ADGRL2: variants seen among roughly 807,000 people sequenced by gnomAD.
The protein encoded by ADGRL2 is calcium-independent alpha-latrotoxin receptor 2.
A neutral mutation model predicts 157.4 loss-of-function variants in ADGRL2; 44 were observed. That is an observed-to-expected ratio of 0.28 (90% CI 0.22 to 0.36). The LOEUF (loss-of-function observed/expected upper bound fraction) is 0.36. Among genes scored for constraint, ADGRL2 ranks in the 10% least tolerant of loss-of-function variants. ADGRL2 has a pLI of 1.00. For synonymous variants in ADGRL2, 585 were observed against 624.7 expected, an observed-to-expected ratio of 0.94 and a Z score of 0.95; for missense variants, 1,510 against 1,768.9, an observed-to-expected ratio of 0.85 and a Z score of 2.63.
chr1:81,525,932 G>C (rs1475910143), intron 2 of ADGRL2, among the ~76,000 whole-genome samples: 1 of 152,146 alleles, frequency 6.6e-6, no homozygotes, highest in Non-Finnish European at 1.5e-5. Context: ...TGCACAATAA[G>C]GAAAGATAAG....
At chr1:81,493,655 G>A (rs2078677473) in intron 2 of ADGRL2, among the ~76,000 whole-genome samples, 2 of 152,066 alleles carry the variant, frequency 1.3e-5, no homozygotes, top group South Asian at 4.1e-4. Flanking sequence ...TTAAGTCTTG[G>A]CTTTGTCACT....
intron 1 of ADGRL2, among the ~76,000 whole-genome samples, chr1:81,390,795 G>A (rs968644016): frequency 3.3e-5 from 5 of 152,306 alleles, no homozygotes; most frequent in Non-Finnish European, 4.4e-5. Flanking sequence ...TTATATGAAT[G>A]CAACAAAATT....
intron 1 of ADGRL2, among the ~76,000 whole-genome samples, chr1:81,825,788 T>A (rs2091428825): frequency 6.6e-6 from 1 of 151,922 alleles, no homozygotes; most frequent in Non-Finnish European, 1.5e-5. Context: ...GAACCCCAAC[T>A]GTGTTCTTCC....
chr1:81,854,833 G>T (rs2093146675), intron 2 of ADGRL2, among the ~76,000 whole-genome samples: 1 of 152,118 alleles, frequency 6.6e-6, no homozygotes, highest in Admixed American at 6.6e-5. Flanking sequence ...AAGAAATGGG[G>T]TGAATTGCAA....
intron 2 of ADGRL2, among the ~76,000 whole-genome samples, chr1:81,516,516 A>C (rs926742549): frequency 1.3e-5 from 2 of 152,200 alleles, no homozygotes; most frequent in African/African-American, 4.8e-5. Context: ...TAAGAGCCCC[A>C]CATGTTTTCC....
In ADGRL2 at chr1:81,955,984, A is replaced by G. The variant is rs543096656; in HGVS notation, c.1941A>G (p.Thr647=). Residue 647 remains threonine, a synonymous_variant, in exon 11 of 24, where the codon ACA becomes ACG. Coordinates refer to ENST00000686636, the MANE Select transcript of ADGRL2 (RefSeq NM_001366006.2). The part of the protein sequence containing the change: ...QAHTATMLLD[T]LEEGAFVLAD... ...ATACTGCAACAATGTTACTCGATACATTGGAAGAAGGAGCTTTTGTCCTAG... is the reference window on the plus strand; with the variant it reads ...ATACTGCAACAATGTTACTCGATACGTTGGAAGAAGGAGCTTTTGTCCTAG... 8 of 1,611,592 alleles carry G rather than the reference A, an allele frequency of 5.0e-6. No homozygotes were observed. Among genetic ancestry groups the G allele is most frequent in the Non-Finnish European group, 5.9e-6 (7 of 1,178,916 alleles).
intron 3 of ADGRL2, among the ~76,000 whole-genome samples, chr1:81,669,765 AC>A (rs1331229931): frequency 1.3e-5 from 2 of 151,852 alleles, no homozygotes; most frequent in Non-Finnish European, 2.9e-5. Flanking sequence ...ACACGGTGAA[AC>A]CCTGTCTCTA....
At position 81,694,110 on chromosome 1, in the gene ADGRL2, CATTA is replaced by C. The variant is rs144213846; in HGVS notation, c.-142-67699_-142-67696del. Among the ~76,000 whole-genome samples the C allele has an allele frequency of 1.0e-2, 1,517 of 152,268 alleles. 29 individuals are homozygous for C. Among genetic ancestry groups the C allele is most frequent in the African/African-American group, 0.035 (1,448 of 41,550 alleles). ...TATTTTGTACTCACTTTGAAGATGA[CATTA>C]AACACTTTAGCATTAAAAATAAATT... is the stretch of plus-strand genomic sequence containing the variant. On this transcript the variant is annotated intron_variant, in intron 3 of 24. Coordinates refer to the ADGRL2 transcript ENST00000370721.
chr1:81,413,359 A>G (rs2076980606), intron 1 of ADGRL2, among the ~76,000 whole-genome samples: 1 of 152,142 alleles, frequency 6.6e-6, no homozygotes, highest in Non-Finnish European at 1.5e-5. Flanking sequence ...CACTCCAAGT[A>G]TTGTGTTGTA....
At chr1:81,952,822 G>A (rs1258957476) in intron 9 of ADGRL2, among the ~76,000 whole-genome samples, 165 bp from the exon 10 acceptor site, 2 of 151,984 alleles carry the variant, frequency 1.3e-5, no homozygotes, top group African/African-American at 4.8e-5. Flanking sequence ...ATAAAAAACT[G>A]TAAATAAGCA....
intron 1 of ADGRL2, among the ~76,000 whole-genome samples, chr1:81,748,236 T>G (rs527397679): frequency 2.2e-4 from 33 of 151,914 alleles, no homozygotes; most frequent in Non-Finnish European, 4.3e-4. Context: ...CCCAGCATTT[T>G]AGGAGGCCAA....
At chr1:81,653,871 A>G (rs1246452276) in intron 3 of ADGRL2, among the ~76,000 whole-genome samples, 1 of 152,068 alleles carries the variant, frequency 6.6e-6, no homozygotes, top group East Asian at 1.9e-4. Flanking sequence ...CATCATCTCA[A>G]ACTCTACCTG....
At chr1:81,799,743 C>G (rs2087789168), upstream of ADGRL2, among the ~76,000 whole-genome samples, 1 of 151,892 alleles carries the variant, frequency 6.6e-6, no homozygotes, top group Non-Finnish European at 1.5e-5. Context: ...ATCCTACTTT[C>G]TAGGTTTTAA....
chr1:81,344,398 C>T (rs1156748209), intron 1 of ADGRL2, among the ~76,000 whole-genome samples: 3 of 151,954 alleles, frequency 2.0e-5, no homozygotes, highest in Non-Finnish European at 2.9e-5. Flanking sequence ...GATTATAGGC[C>T]GGGCACAGAG....
chr1:81,674,589 T>C (rs953676713), intron 3 of ADGRL2, among the ~76,000 whole-genome samples: 1 of 152,178 alleles, frequency 6.6e-6, no homozygotes, highest in African/African-American at 2.4e-5. Flanking sequence ...CCCTCAAAGT[T>C]TGAGAGAAAA....
chr1:81,654,599 G>A (rs7536377), intron 3 of ADGRL2, among the ~76,000 whole-genome samples: 119,991 of 152,164 alleles, frequency 0.79, 47,669 homozygotes, highest in African/African-American at 0.87. Flanking sequence ...ACTGCTCCTA[G>A]GTATTCAAGA....
intron 3 of ADGRL2, among the ~76,000 whole-genome samples, chr1:81,594,232 G>A (rs895294588): frequency 6.6e-6 from 1 of 152,078 alleles, no homozygotes; most frequent in African/African-American, 2.4e-5. Context: ...CAAGCAAATA[G>A]GAATCAAGCA....
rs1463712648 is a variant in ADGRL2, at chr1:81,893,312, TCC to T, written c.74-13704_74-13703del. 4.8e-4 allele frequency among the ~76,000 whole-genome samples: 55 copies of T among 115,730 alleles called. 1 individual carries two copies. The highest frequency in any genetic ancestry group is 5.6e-3 in the Middle Eastern group (1 of 178). The allele number at this position is 115,730 out of a possible 152,430, so 75.9% of individuals were successfully genotyped here. On this transcript the variant is annotated intron_variant, in intron 2 of 23. Coordinates refer to ENST00000686636, the MANE Select transcript of ADGRL2 (RefSeq NM_001366006.2). Reference sequence around the variant, plus strand: ...TTTGCTTGTTTTTGTGACTTATCAATCCTGTCTTGTATTTTTCTTTTTTTCTT... The same window carrying T: ...TTTGCTTGTTTTTGTGACTTATCAATTGTCTTGTATTTTTCTTTTTTTCTT...
chr1:81,386,354 T>C lies in ADGRL2; in HGVS notation c.-301-58682T>C, dbSNP rs1317684008. Among the ~76,000 whole-genome samples, 5 of 152,146 alleles carry C rather than the reference T, an allele frequency of 3.3e-5. 1 individual carries two copies. The highest frequency in any genetic ancestry group is 1.2e-4 in the African/African-American group (5 of 41,448). On this transcript the variant is annotated intron_variant, in intron 1 of 24. Transcript: ENST00000370721. ...GGTGTGTGGTAAGGTAACAATTGAA[T>C]TGGTTTTATTCGCTAGCCTCCATAA...
Sources: allele counts gnomAD v4.1 joint callset (sites outside exome capture counted in the v4.1 genomes callset), GRCh38; gene constraint gnomAD v4.1.1; transcripts MANE v1.5; gene names NCBI Gene and HGNC (gene_info 2026-07-23, HGNC 2026-07-21).